The following UBN2 variants were observed in gnomAD, a reference collection of about 807,000 sequenced individuals.
UBN2 encodes the protein ubinuclein-2.
UBN2 carries 35 observed loss-of-function variants against 120.2 expected under a neutral mutation model. That is an observed-to-expected ratio of 0.29 (90% CI 0.22 to 0.39). The LOEUF is 0.39. Among genes scored for constraint, UBN2 ranks in the 10% least tolerant of loss-of-function variants. UBN2 has a pLI of 1.00. For missense variants in UBN2, 1,693 were observed against 1,663.2 expected (o/e 1.02, Z -0.31); for synonymous variants, 661 against 648.7 (o/e 1.02, Z -0.29).
intron 11 of UBN2, 106 bp downstream of exon 11, chr7:139,274,180 AATAT>A: frequency 8.6e-7 from 1 of 1,162,126 alleles, no homozygotes; most frequent in South Asian, 2.0e-5. Context: ...CTAAGAACCT[AATAT>A]ATTCAGCATG....
chr7:139,276,195 C>T (rs183904272), intron 12 of UBN2, 48 bp downstream of exon 12: 105 of 1,532,900 alleles, frequency 6.8e-5, no homozygotes, highest in Non-Finnish European at 8.8e-5. Flanking sequence ...ACATTATGTG[C>T]TTTAGTGAAC....
chr7:139,243,669 A>G (rs781463112), intron 2 of UBN2, among the ~76,000 whole-genome samples: 19 of 152,218 alleles, frequency 1.2e-4, no homozygotes, highest in Non-Finnish European at 2.6e-4. Flanking sequence ...GGCAGGAGGC[A>G]GGTCAGGGTT....
chr7:139,248,218 TGAA>T (rs1284964191), intron 2 of UBN2, among the ~76,000 whole-genome samples: 1 of 152,198 alleles, frequency 6.6e-6, no homozygotes, highest in African/African-American at 2.4e-5. Context: ...TCAAATAAGA[TGAA>T]GAGTTTTAAA....
chr7:139,259,263 G>A lies in UBN2; in HGVS notation c.802-4G>A, dbSNP rs1406564788. On this transcript the variant is annotated splice_polypyrimidine_tract_variant and splice_region_variant and intron_variant, in intron 4 of 17. Coordinates refer to ENST00000473989, the MANE Select transcript of UBN2 (RefSeq NM_173569.4). ...TAAATGATCATTCTTTTATCATTTT[G>A]CAGGTCCCCAAAATAAAAGAAGATG... is the stretch of plus-strand genomic sequence containing the variant. The A allele has an allele frequency of 1.9e-6, 3 of 1,612,060 alleles. No individual in the cohort carries two copies. Among genetic ancestry groups the A allele is most frequent in the Non-Finnish European group, 2.5e-6 (3 of 1,179,388 alleles).
At position 139,283,594 on chromosome 7, in the gene UBN2, G is replaced by A; in HGVS notation, c.2689G>A (p.Val897Ile). The change falls in exon 15 of 18, where the codon GTC (valine) becomes ATC (isoleucine). Residue 897 changes from valine to isoleucine, a missense_variant. By Grantham distance (29) the Val-to-Ile change is conservative. This residue lies in a region of UBN2 where 837 missense variants were observed against 817.6 expected (regional missense o/e 1.02). Transcript: ENST00000473989. ...IHTSSSSQTH[V>I]SSSSQAQIAA... The stretch of plus-strand genomic sequence containing the variant: ...CACTTCTTCCTCTTCACAGACCCAT[G>A]TCTCCTCTTCTTCCCAAGCCCAAAT... The A allele has an allele frequency of 6.2e-7, 1 of 1,614,138 alleles. No homozygotes were observed. Among genetic ancestry groups the A allele is most frequent in the Non-Finnish European group, 8.5e-7 (1 of 1,180,034 alleles).
At chr7:139,236,942 C>A in intron 1 of UBN2, 63 bp from the exon 2 acceptor site, 2 of 1,039,770 alleles carry the variant, frequency 1.9e-6, no homozygotes, top group Non-Finnish European at 2.8e-6. Flanking sequence ...AATAAACAAA[C>A]AATAATAATA....
chr7:139,316,985 T>C, the UBN2 span, among the ~76,000 whole-genome samples: 2 of 151,362 alleles, frequency 1.3e-5, no homozygotes, highest in Admixed American at 1.3e-4. Flanking sequence ...CAGGCTGGAG[T>C]GCAATGGTGT....
intron 2 of UBN2, among the ~76,000 whole-genome samples, chr7:139,248,934 A>G (rs1332141120): frequency 2.0e-5 from 3 of 152,066 alleles, no homozygotes; most frequent in Non-Finnish European, 4.4e-5. Flanking sequence ...ATAAAGGACA[A>G]TCTATTATGT....
At chr7:139,266,555 A>G (rs1794549826) in intron 7 of UBN2, 152 bp downstream of exon 7, 1 of 474,136 alleles carries the variant, frequency 2.1e-6, no homozygotes, top group African/African-American at 2.0e-5. Flanking sequence ...TTTCTCAGCA[A>G]AATTATCTTT....
At chr7:139,314,127 C>T in the UBN2 span, among the ~76,000 whole-genome samples, 15 of 148,962 alleles carry the variant, frequency 1.0e-4, no homozygotes, top group African/African-American at 3.0e-4. Flanking sequence ...GGATTACAGG[C>T]GTGAGTCACC....
At chr7:139,327,324 C>T in the UBN2 span, among the ~76,000 whole-genome samples, 1 of 152,218 alleles carries the variant, frequency 6.6e-6, no homozygotes, top group East Asian at 1.9e-4. Context: ...TGAGCCACTG[C>T]ACCCAGCCCA....
At chr7:139,284,767 G>C (rs879599719) in intron 15 of UBN2, among the ~76,000 whole-genome samples, 193 bp downstream of exon 15, 3 of 152,004 alleles carry the variant, frequency 2.0e-5, no homozygotes, top group Non-Finnish European at 2.9e-5. Context: ...TGTTTGTTGG[G>C]ATATGGATTT....
chr7:139,241,988 A>G (rs1401810571), intron 2 of UBN2, among the ~76,000 whole-genome samples: 2 of 152,024 alleles, frequency 1.3e-5, no homozygotes, highest in African/African-American at 4.8e-5. Flanking sequence ...CAAGAGCGAG[A>G]ATCCAGCTCC....
chr7:139,257,276 T>C (rs1364970012), intron 3 of UBN2, among the ~76,000 whole-genome samples: 1 of 152,244 alleles, frequency 6.6e-6, no homozygotes, highest in Non-Finnish European at 1.5e-5. Context: ...AGTTCCTTGC[T>C]CCAAGCAAAG....
chr7:139,276,046 T>A (rs1400367136), intron 11 of UBN2, 51 bp from the exon 12 acceptor site: 1 of 1,404,206 alleles, frequency 7.1e-7, no homozygotes, highest in Non-Finnish European at 9.9e-7. Context: ...AACAATTATG[T>A]TACTATCTGC....
chr7:139,271,014 T>G, intron 8 of UBN2, among the ~76,000 whole-genome samples: 1 of 151,926 alleles, frequency 6.6e-6, no homozygotes, highest in East Asian at 2.0e-4. Context: ...ACTCCCGACC[T>G]CAGGTGATCT....
At chr7:139,329,515 G>T in the UBN2 span, among the ~76,000 whole-genome samples, 12 of 152,092 alleles carry the variant, frequency 7.9e-5, no homozygotes, top group African/African-American at 2.9e-4. Context: ...ATTCAGTATT[G>T]AGCCCCACTG....
At chr7:139,288,090 T>C (rs1797842898) in intron 15 of UBN2, among the ~76,000 whole-genome samples, 1 of 152,198 alleles carries the variant, frequency 6.6e-6, no homozygotes, top group East Asian at 1.9e-4. Context: ...TTTGCCACTT[T>C]ATAATTCCAA....
chr7:139,257,624 G>C (rs750961799), intron 3 of UBN2, among the ~76,000 whole-genome samples: 6 of 152,140 alleles, frequency 3.9e-5, no homozygotes, highest in Non-Finnish European at 8.8e-5. Flanking sequence ...CACTATGTTG[G>C]CCAGGCTGGT....
Sources: gnomAD v4.1 joint callset for allele counts (sites outside exome capture counted in the v4.1 genomes callset) on GRCh38, gnomAD v4.1.1 for gene constraint, gnomAD v4.1.1 regional missense constraint, MANE v1.5 for transcripts, NCBI Gene and HGNC (gene_info 2026-07-23, HGNC 2026-07-21) for gene names.